SV2C: variants seen among roughly 807,000 people sequenced by gnomAD.
SV2C encodes solute carrier family 22 member B3.
In SV2C, 49 loss-of-function variants were observed where a neutral mutation model predicts 79.7. That is an observed-to-expected ratio of 0.61 (90% confidence interval 0.49 to 0.78). SV2C has a LOEUF of 0.78. Among genes scored for constraint, SV2C ranks in the 30% least tolerant of loss-of-function variants. The pLI is 0.00. For synonymous variants in SV2C, 334 were observed against 333.2 expected (o/e 1.00, Z -0.03); for missense variants, 833 against 912.9 (o/e 0.91, Z 1.13).
At chr5:75,955,930 A>G in the SV2C span, among the ~76,000 whole-genome samples, 1 of 151,946 alleles carries the variant, frequency 6.6e-6, no homozygotes, top group Non-Finnish European at 1.5e-5. Flanking sequence ...AAATAGGAAC[A>G]CTTTTACACT....
intron 2 of SV2C, among the ~76,000 whole-genome samples, chr5:76,171,699 G>A (rs1442937154): frequency 1.2e-3 from 162 of 131,376 alleles, no homozygotes; most frequent in Middle Eastern, 4.2e-3. Flanking sequence ...CGTGCCGTCC[G>A]GGAGGGAGGT....
At chr5:76,238,642 T>C (rs1745692319) in intron 4 of SV2C, among the ~76,000 whole-genome samples, 1 of 152,170 alleles carries the variant, frequency 6.6e-6, no homozygotes, top group Non-Finnish European at 1.5e-5. Flanking sequence ...CAGTCAGGCG[T>C]TCTAGCAGCA....
At chr5:76,242,512 C>G in intron 4 of SV2C, 1 of 440,760 alleles carries the variant, frequency 2.3e-6, no homozygotes, top group Admixed American at 3.1e-5. Flanking sequence ...AATAAGGAAC[C>G]CTGGTGATTC....
At chr5:76,084,785 G>T (rs1393203721) in intron 1 of SV2C, among the ~76,000 whole-genome samples, 1 of 151,738 alleles carries the variant, frequency 6.6e-6, no homozygotes, top group African/African-American at 2.4e-5. Context: ...ATGCCCCGCG[G>T]CGCGCCTGGC....
chr5:76,061,220 G>A, the SV2C span, among the ~76,000 whole-genome samples: 4 of 136,788 alleles, frequency 2.9e-5, no homozygotes, highest in Middle Eastern at 9.2e-3. Flanking sequence ...TGGAAAAATG[G>A]TCCCCATAGA....
chr5:76,030,761 CAA>C, the SV2C span, among the ~76,000 whole-genome samples: 1 of 134,718 alleles, frequency 7.4e-6, no homozygotes. Flanking sequence ...GACTCTGTCT[CAA>C]AAAAAAAAGA....
the SV2C span, among the ~76,000 whole-genome samples, chr5:75,998,685 T>G: frequency 2.0e-5 from 3 of 152,128 alleles, no homozygotes; most frequent in East Asian, 3.9e-4. Context: ...TGGGTGTGTG[T>G]GTGTGTATTA....
intron 2 of SV2C, among the ~76,000 whole-genome samples, chr5:76,193,806 G>A (rs544051306): frequency 3.3e-5 from 5 of 152,144 alleles, no homozygotes; most frequent in Non-Finnish European, 5.9e-5. Context: ...TGAATAATCT[G>A]TCTGAGCCTC....
At chr5:76,233,398 G>A (rs1745500153) in intron 4 of SV2C, among the ~76,000 whole-genome samples, 1 of 140,052 alleles carries the variant, frequency 7.1e-6, no homozygotes, top group South Asian at 2.2e-4. Flanking sequence ...GGGACAATTT[G>A]ACTTCCTCTT....
At chr5:76,048,573 A>G in the SV2C span, among the ~76,000 whole-genome samples, 1 of 152,140 alleles carries the variant, frequency 6.6e-6, no homozygotes, top group African/African-American at 2.4e-5. Context: ...ACAAGCCTTT[A>G]AAAAGGTGAT....
chr5:76,227,805 C>G (rs1168928496), intron 4 of SV2C, among the ~76,000 whole-genome samples: 1 of 152,142 alleles, frequency 6.6e-6, no homozygotes, highest in Non-Finnish European at 1.5e-5. Flanking sequence ...CTGTTTTTTC[C>G]TTTGTGAACT....
At chr5:75,948,311 G>A in the SV2C span, among the ~76,000 whole-genome samples, 1 of 152,024 alleles carries the variant, frequency 6.6e-6, no homozygotes. Flanking sequence ...TAATTAAACA[G>A]CTTTCTTTAC....
intron 2 of SV2C, among the ~76,000 whole-genome samples, chr5:76,183,785 C>T (rs1344928664): frequency 2.6e-5 from 4 of 152,106 alleles, no homozygotes; most frequent in Non-Finnish European, 5.9e-5. Flanking sequence ...GATATTCTTC[C>T]CTCCCTTGGA....
the SV2C span, among the ~76,000 whole-genome samples, chr5:75,963,507 G>A: frequency 2.6e-5 from 4 of 152,114 alleles, no homozygotes; most frequent in Admixed American, 2.6e-4. Flanking sequence ...TTCAAGACAT[G>A]TCTCATTTGG....
At chr5:75,921,709 G>C in the SV2C span, 1 of 499,166 alleles carries the variant, frequency 2.0e-6, no homozygotes, top group African/African-American at 2.0e-5. Flanking sequence ...GCAAAGAACA[G>C]AGGGTATAAA....
At chr5:75,994,486 C>T in the SV2C span, among the ~76,000 whole-genome samples, 1 of 152,050 alleles carries the variant, frequency 6.6e-6, no homozygotes, top group Non-Finnish European at 1.5e-5. Context: ...AGTAATATAA[C>T]CTTGAACAAG....
At chr5:75,886,638 A>T in the SV2C span, among the ~76,000 whole-genome samples, 1 of 152,162 alleles carries the variant, frequency 6.6e-6, no homozygotes, top group Non-Finnish European at 1.5e-5. Flanking sequence ...ATTGTGCTAG[A>T]CACTTAGGAT....
At chr5:76,121,465 A>T (rs1398464007) in intron 1 of SV2C, among the ~76,000 whole-genome samples, 1 of 151,212 alleles carries the variant, frequency 6.6e-6, no homozygotes, top group Admixed American at 6.6e-5. Flanking sequence ...CTGAATGGTA[A>T]TGCCTAGGTT....
At chr5:76,338,577 C>G (rs1318044871), downstream of SV2C, among the ~76,000 whole-genome samples, 1 of 152,142 alleles carries the variant, frequency 6.6e-6, no homozygotes, top group Non-Finnish European at 1.5e-5. Flanking sequence ...CTCTGAGGGG[C>G]TTTGCTGTGC....
Sources: allele counts gnomAD v4.1 joint callset (sites outside exome capture counted in the v4.1 genomes callset), GRCh38; gene constraint gnomAD v4.1.1; transcripts MANE v1.5; gene names NCBI Gene and HGNC (gene_info 2026-07-23, HGNC 2026-07-21).